Variants in AQP7 observed in about 807,000 individuals in gnomAD.
The protein encoded by AQP7 is aquaporin-7.
A neutral mutation model predicts 26.1 loss-of-function variants in AQP7; 22 were observed. The ratio of observed to expected loss-of-function variants is 0.84; its 90% confidence interval spans 0.60 to 1.20. AQP7 has a LOEUF of 1.20. AQP7 is among the 50% of genes most tolerant of loss of function. AQP7 has a pLI of 0.00. For synonymous variants in AQP7, 167 were observed against 181.7 expected (o/e 0.92, Z 0.65); for missense variants, 412 against 457.5 (o/e 0.90, Z 0.91).
chr9:33,391,891 C>T (rs78075671), intron 3 of AQP7, among the ~76,000 whole-genome samples: 7 of 152,104 alleles, frequency 4.6e-5, no homozygotes, highest in Admixed American at 2.6e-4. Flanking sequence ...AAACTGAGGC[C>T]GAGAGAGGCA....
intron 2 of AQP7, among the ~76,000 whole-genome samples, chr9:33,399,490 G>T (rs7022694): frequency 5.9e-5 from 9 of 151,936 alleles, no homozygotes; most frequent in South Asian, 4.2e-4. Flanking sequence ...ACCAGCTGGG[G>T]GGGGAGGGGC....
chr9:33,399,935 G>C (rs571040812), intron 2 of AQP7, among the ~76,000 whole-genome samples: 27 of 152,226 alleles, frequency 1.8e-4, no homozygotes, highest in East Asian at 3.9e-4. Flanking sequence ...AGGGAAGTAT[G>C]AAGGACATGA....
intron 2 of AQP7, among the ~76,000 whole-genome samples, chr9:33,400,412 T>C (rs897594086): frequency 1.3e-5 from 2 of 151,974 alleles, no homozygotes; most frequent in African/African-American, 4.8e-5. Context: ...GGGCTGTATG[T>C]TAGCTGCAGA....
intron 3 of AQP7, among the ~76,000 whole-genome samples, chr9:33,394,484 CTCT>C (rs1040761059): frequency 2.4e-5 from 3 of 124,946 alleles, no homozygotes; most frequent in Non-Finnish European, 3.3e-5. Context: ...ATCTCTCTCT[CTCT>C]TTTTTTTTTT....
At chr9:33,397,398 C>A (rs1825932932) in intron 2 of AQP7, among the ~76,000 whole-genome samples, 1 of 152,166 alleles carries the variant, frequency 6.6e-6, no homozygotes, top group African/African-American at 2.4e-5. Context: ...GTCTCTTCTT[C>A]AGGGCTGAGG....
intron 4 of AQP7, 103 bp from the exon 5 acceptor site, chr9:33,386,644 G>A (rs956353184): frequency 4.7e-5 from 67 of 1,421,484 alleles, no homozygotes; most frequent in Middle Eastern, 2.4e-4. Flanking sequence ...AGCATGCTCC[G>A]TGACAGAGCT....
rs1369805001 is a variant in AQP7 at position 33,402,431 on chromosome 9, A to G, written c.-84T>C. The G allele has an allele frequency of 6.5e-6, 1 of 152,778 alleles. No individual in the cohort carries two copies. The highest frequency in any genetic ancestry group is 1.5e-5 in the Non-Finnish European group (1 of 68,160). The allele number at this position is 152,778 out of a possible 1,614,324, so 9.5% of individuals were successfully genotyped here. A position where few individuals can be genotyped will look rare whatever the true frequency, so the allele number is the denominator to read the frequency against. ...CTTGGGGGCTTCTCAGTTACAGCGC[A>G]TCTTGATCTTGTTCCTCCGTGACTG... is the stretch of plus-strand genomic sequence containing the variant. On this transcript the variant is annotated 5_prime_UTR_variant, in exon 1 of 8. It removes an upstream start codon present in the reference 5' UTR. Coordinates refer to ENST00000297988, the MANE Select transcript of AQP7 (RefSeq NM_001170.3).
In AQP7 at chr9:33,384,314, C is replaced by G. The variant is rs2118757568; in HGVS notation, c.*691G>C. Reference sequence around the variant, plus strand: ...CAGGAAGAAGAAAGAGGAGCCCAACCCCTTAACAGCCTTCAATCTATAACA... The same window carrying G: ...CAGGAAGAAGAAAGAGGAGCCCAACGCCTTAACAGCCTTCAATCTATAACA... On this transcript the variant is annotated 3_prime_UTR_variant, in exon 8 of 8. Coordinates refer to ENST00000297988, the MANE Select transcript of AQP7 (RefSeq NM_001170.3). The G allele has an allele frequency of 6.6e-6, 1 of 152,252 alleles. No individual in the cohort carries two copies. Among genetic ancestry groups the G allele is most frequent in the East Asian group, 1.9e-4 (1 of 5,172 alleles). The allele number at this position is 152,252 out of a possible 1,614,324, so 9.4% of individuals were successfully genotyped here. A position where few individuals can be genotyped will look rare whatever the true frequency, so the allele number is the denominator to read the frequency against.
rs758864520 is a variant in AQP7 at position 33,385,652 on chromosome 9, A to G, written c.740T>C (p.Phe247Ser). Residue 247 changes from phenylalanine (F) to serine (S), a missense_variant, in exon 7 of 8, where the codon TTC (phenylalanine) becomes TCC (serine). Physicochemically the swap from Phe to Ser is radical, Grantham distance 155. Transcript: ENST00000297988. ...TFIAGWGKQV[F>S]SNGENWWWVP... is the part of the protein sequence containing the mutation. Reference sequence around the variant, plus strand: ...TGGGCCTGGGCAGGGGCAGTACCTGAAGACCTGTTTGCCCCAACCAGCAAT... The same window carrying G: ...TGGGCCTGGGCAGGGGCAGTACCTGGAGACCTGTTTGCCCCAACCAGCAAT... The G allele has an allele frequency of 1.2e-6, 2 of 1,613,432 alleles. No homozygotes were observed. Among genetic ancestry groups the G allele is most frequent in the Non-Finnish European group, 1.7e-6 (2 of 1,179,988 alleles).
At chr9:33,396,413 G>C in intron 2 of AQP7, among the ~76,000 whole-genome samples, 1 of 142,306 alleles carries the variant, frequency 7.0e-6, no homozygotes, top group Admixed American at 7.3e-5. Flanking sequence ...ACTCCAGCCT[G>C]GGCAACAAGA....
intron 3 of AQP7, among the ~76,000 whole-genome samples, chr9:33,390,977 G>A (rs1169913459): frequency 6.6e-6 from 1 of 152,176 alleles, no homozygotes. Flanking sequence ...CAGGCGTGGT[G>A]GCACATGCCT....
chr9:33,386,686 G>C (rs1564171636), intron 4 of AQP7, 145 bp from the exon 5 acceptor site: 13 of 1,205,936 alleles, frequency 1.1e-5, no homozygotes, highest in South Asian at 4.7e-5. Flanking sequence ...CACCCCGTGA[G>C]GCAGGGGCCA....
intron 3 of AQP7, among the ~76,000 whole-genome samples, chr9:33,389,239 G>T (rs1481287257): frequency 2.6e-5 from 4 of 152,104 alleles, no homozygotes; most frequent in Non-Finnish European, 4.4e-5. Flanking sequence ...ATGTTGGCCA[G>T]ACTGGTCTCA....
chr9:33,392,507 G>A (rs1181142498), intron 3 of AQP7, among the ~76,000 whole-genome samples: 1 of 152,116 alleles, frequency 6.6e-6, no homozygotes. Flanking sequence ...AGCCCGGGAT[G>A]CATTAGGTGC....
At chr9:33,390,975 G>C (rs1410249521) in intron 3 of AQP7, among the ~76,000 whole-genome samples, 2 of 152,182 alleles carry the variant, frequency 1.3e-5, no homozygotes, top group African/African-American at 4.8e-5. Context: ...GCCAGGCGTG[G>C]TGGCACATGC....
intron 2 of AQP7, among the ~76,000 whole-genome samples, chr9:33,399,992 G>C (rs1826141292): frequency 6.6e-6 from 1 of 152,128 alleles, no homozygotes; most frequent in African/African-American, 2.4e-5. Context: ...ACCCCTGACT[G>C]AGCCAAGAGC....
rs369394067 is a variant in AQP7 at position 33,395,211 on chromosome 9, G to A, written c.27-16C>T. ...ACGGGTGGACCTAAGACAGTGGCCC[G>A]AGCCCATGGACAGAAAGGAGACTCA... On this transcript the variant is annotated splice_polypyrimidine_tract_variant and intron_variant, in intron 2 of 7. Transcript: ENST00000297988. 345 of 1,599,780 alleles carry A rather than the reference G, an allele frequency of 2.2e-4. 2 individuals carry two copies. The African/African-American group carries it at 3.7e-3, about 17-fold the overall frequency.
intron 2 of AQP7, among the ~76,000 whole-genome samples, chr9:33,397,826 A>T (rs1214719057): frequency 6.6e-6 from 1 of 152,128 alleles, no homozygotes; most frequent in Non-Finnish European, 1.5e-5. Flanking sequence ...CACCAAGAGA[A>T]TCCTGGAAGC....
intron 1 of AQP7, 126 bp downstream of exon 1, chr9:33,402,247 A>C (rs373660734): frequency 6.6e-6 from 1 of 152,444 alleles, no homozygotes; most frequent in Non-Finnish European, 1.5e-5. Context: ...CCACTCCCAG[A>C]CGGGGCTCCT....
Sources: gnomAD v4.1 joint callset for allele counts (sites outside exome capture counted in the v4.1 genomes callset) on GRCh38, gnomAD v4.1.1 for gene constraint, MANE v1.5 for transcripts, NCBI Gene and HGNC (gene_info 2026-07-23, HGNC 2026-07-21) for gene names.